SHROOM3: variants seen among roughly 807,000 people sequenced by gnomAD.
SHROOM3 encodes protein Shroom3.
A neutral mutation model predicts 138.6 loss-of-function variants in SHROOM3; 47 were observed. The ratio of observed to expected loss-of-function variants is 0.34; its 90% CI spans 0.27 to 0.43. SHROOM3 has a LOEUF of 0.43. Ranked by LOEUF, SHROOM3 falls within the 20% of genes least tolerant of loss-of-function variation. SHROOM3 has a pLI of 1.00. For synonymous variants in SHROOM3, 1,062 were observed against 1,063.3 expected, an observed-to-expected ratio of 1.00 and a Z score of 0.02; for missense variants, 2,491 against 2,596.5, an observed-to-expected ratio of 0.96 and a Z score of 0.88.
rs33994270 is a variant in SHROOM3 at position 76,651,401 on chromosome 4, A to AATATATATATATAT, written c.324-58723_324-58710dup. 2.7e-3 allele frequency among the ~76,000 whole-genome samples: 232 copies of AATATATATATATAT among 86,644 alleles called. 6 individuals are homozygous for AATATATATATATAT. Among genetic ancestry groups the AATATATATATATAT allele is most frequent in the Non-Finnish European group, 3.7e-3 (151 of 41,110 alleles). 56.8% of individuals were successfully genotyped at this position (86,644 alleles called of 152,430 possible). On this transcript the variant is annotated intron_variant, in intron 2 of 10. Transcript: ENST00000296043. ...ATTAACACATCTCATGTAACCCATA[A>AATATATATATATAT]ATATATATATATATATATATATATA...
intron 2 of SHROOM3, among the ~76,000 whole-genome samples, chr4:76,566,421 A>T (rs538785524): frequency 3.3e-4 from 50 of 152,122 alleles, no homozygotes; most frequent in Middle Eastern, 3.2e-3. Context: ...CATTTATTTC[A>T]TCAGCCCCCA....
intron 1 of SHROOM3, among the ~76,000 whole-genome samples, chr4:76,505,689 C>G (rs1732195482): frequency 7.4e-6 from 1 of 134,910 alleles, no homozygotes; most frequent in Admixed American, 8.0e-5. Context: ...GAAACAGGGT[C>G]TAGCTCTGTT....
At chr4:76,515,071 T>C (rs1468209159) in intron 1 of SHROOM3, among the ~76,000 whole-genome samples, 1 of 152,016 alleles carries the variant, frequency 6.6e-6, no homozygotes, top group African/African-American at 2.4e-5. Flanking sequence ...AAAAATTAGC[T>C]GGGCATGGTG....
chr4:76,470,998 G>A (rs560847096), intron 1 of SHROOM3, among the ~76,000 whole-genome samples: 1 of 152,236 alleles, frequency 6.6e-6, no homozygotes, highest in Admixed American at 6.5e-5. Flanking sequence ...TAGGGGGTGT[G>A]TGTGTGTGAG....
intron 1 of SHROOM3, among the ~76,000 whole-genome samples, chr4:76,498,071 C>T (rs1732006775): frequency 6.6e-6 from 1 of 152,218 alleles, no homozygotes; most frequent in African/African-American, 2.4e-5. Flanking sequence ...CCTTCTGTGT[C>T]AATTATAGTT....
intron 10 of SHROOM3, among the ~76,000 whole-genome samples, chr4:76,774,723 T>TG (rs1393901987): frequency 1.3e-5 from 2 of 150,756 alleles, no homozygotes; most frequent in African/African-American, 4.9e-5. Flanking sequence ...TTTTTTTGTT[T>TG]TTTTTTTTTT....
At chr4:76,448,034 G>GA (rs1230702872) in intron 1 of SHROOM3, among the ~76,000 whole-genome samples, 1 of 151,462 alleles carries the variant, frequency 6.6e-6, no homozygotes, top group African/African-American at 2.4e-5. Context: ...GTATAAAAAA[G>GA]AAAAAAATAC....
At chr4:76,588,946 G>A (rs12648790) in intron 2 of SHROOM3, among the ~76,000 whole-genome samples, 31,807 of 152,092 alleles carry the variant, frequency 0.21, 3,735 homozygotes, top group African/African-American at 0.32. Context: ...TTTTGGTGAC[G>A]GGTGGGAAGG....
intron 2 of SHROOM3, among the ~76,000 whole-genome samples, chr4:76,564,741 A>T (rs1733665167): frequency 6.6e-6 from 1 of 152,186 alleles, no homozygotes; most frequent in Admixed American, 6.5e-5. Flanking sequence ...GTTCCTAGTG[A>T]AGGAGGTTTG....
intron 5 of SHROOM3, among the ~76,000 whole-genome samples, chr4:76,744,522 A>G (rs1721366206): frequency 6.6e-6 from 1 of 152,216 alleles, no homozygotes; most frequent in African/African-American, 2.4e-5. Flanking sequence ...CCTTATTTGT[A>G]GTTATGATGA....
At chr4:76,556,765 A>G (rs537901755) in intron 2 of SHROOM3, among the ~76,000 whole-genome samples, 264 of 152,344 alleles carry the variant, frequency 1.7e-3, no homozygotes, top group Non-Finnish European at 1.8e-3. Flanking sequence ...CCATCATGCC[A>G]CAGATGGCCT....
intron 1 of SHROOM3, among the ~76,000 whole-genome samples, chr4:76,514,937 A>G (rs575178803): frequency 8.5e-4 from 129 of 152,208 alleles, no homozygotes; most frequent in Non-Finnish European, 1.6e-3. Flanking sequence ...AAAAAAGTTC[A>G]GATGTGGTGG....
At chr4:76,712,450 TA>T (rs1192836791) in intron 3 of SHROOM3, among the ~76,000 whole-genome samples, 1 of 152,180 alleles carries the variant, frequency 6.6e-6, no homozygotes, top group African/African-American at 2.4e-5. Context: ...TAGAAACAAT[TA>T]AAATATTTTA....
intron 2 of SHROOM3, among the ~76,000 whole-genome samples, chr4:76,674,158 G>T (rs1718960752): frequency 6.6e-6 from 1 of 152,112 alleles, no homozygotes; most frequent in Admixed American, 6.5e-5. Context: ...ACAGGCATGA[G>T]CCACCATGCC....
At chr4:76,530,996 ACC>A (rs1732817993) in intron 1 of SHROOM3, among the ~76,000 whole-genome samples, 1 of 151,296 alleles carries the variant, frequency 6.6e-6, no homozygotes, top group Non-Finnish European at 1.5e-5. Flanking sequence ...TAAAATGGCA[ACC>A]CTCTATCTTC....
At chr4:76,578,991 C>A (rs1733989922) in intron 2 of SHROOM3, among the ~76,000 whole-genome samples, 1 of 151,748 alleles carries the variant, frequency 6.6e-6, no homozygotes, top group African/African-American at 2.4e-5. Flanking sequence ...ATAATGAGAC[C>A]CTGACTTTAC....
intron 2 of SHROOM3, among the ~76,000 whole-genome samples, chr4:76,668,409 C>T (rs1344878426): frequency 1.3e-5 from 2 of 151,778 alleles, no homozygotes; most frequent in Non-Finnish European, 2.9e-5. Flanking sequence ...AAAAATACAA[C>T]AACAACAACA....
At chr4:76,441,196 G>A (rs1194506128) in intron 1 of SHROOM3, among the ~76,000 whole-genome samples, 2 of 148,168 alleles carry the variant, frequency 1.3e-5, no homozygotes, top group South Asian at 2.2e-4. Flanking sequence ...CTGGGTTCAC[G>A]CCATTCTCCT....
rs1032981400 is a variant in SHROOM3 at position 76,683,674 on chromosome 4, C to G, written c.324-26482C>G. 1.1e-4 allele frequency among the ~76,000 whole-genome samples: 16 copies of G among 152,000 alleles called. 1 individual carries two copies. The highest frequency in any genetic ancestry group is 2.9e-5 in the Non-Finnish European group (2 of 68,014). On this transcript the variant is annotated intron_variant, in intron 2 of 10. Transcript: ENST00000296043. ...ACTCTGAACATTTTTCTTGGGTTGT[C>G]TTATGCCTCAGCATAAGAAAGGAAT...
Sources: gnomAD v4.1 joint callset for allele counts (sites outside exome capture counted in the v4.1 genomes callset) on GRCh38, gnomAD v4.1.1 for gene constraint, MANE v1.5 for transcripts, NCBI Gene and HGNC (gene_info 2026-07-23, HGNC 2026-07-21) for gene names.